Variants in CLIC5 observed in about 807,000 individuals in gnomAD.
The protein encoded by CLIC5 is chloride intracellular channel protein 5.
A neutral mutation model predicts 24.7 loss-of-function variants in CLIC5; 20 were observed. That is an observed-to-expected ratio of 0.81 (90% CI 0.57 to 1.18). CLIC5 has a LOEUF of 1.18. Among genes scored for constraint, CLIC5 ranks in the 50% most tolerant of loss-of-function variants. The pLI, the probability that CLIC5 is intolerant of heterozygous loss-of-function variation, is 0.00. For synonymous variants in CLIC5, 159 were observed against 135.6 expected (o/e 1.17, Z -1.20); for missense variants, 341 against 326.1 (o/e 1.05, Z -0.35).
chr6:45,908,386 C>G (rs1043546330), intron 5 of CLIC5, among the ~76,000 whole-genome samples: 5 of 152,086 alleles, frequency 3.3e-5, no homozygotes, highest in African/African-American at 1.2e-4. Context: ...TGAGATCTTT[C>G]TAACTTTTTG....
chr6:45,909,942 G>A (rs574918988), intron 5 of CLIC5, among the ~76,000 whole-genome samples: 2 of 152,266 alleles, frequency 1.3e-5, no homozygotes, highest in African/African-American at 4.8e-5. Flanking sequence ...CTGGTAATAT[G>A]CAGAGTTTCC....
intron 1 of CLIC5, among the ~76,000 whole-genome samples, chr6:45,958,443 T>TATATACACACACACACACACACACACAC (rs70996359): frequency 4.3e-4 from 24 of 55,634 alleles, no homozygotes; most frequent in Middle Eastern, 9.8e-3. Flanking sequence ...TATATATATA[T>TATATACACACACACACACACACACACAC]ATATATATAT....
chr6:45,963,126 T>C (rs190934169), intron 1 of CLIC5, among the ~76,000 whole-genome samples: 1 of 152,368 alleles, frequency 6.6e-6, no homozygotes, highest in Admixed American at 6.5e-5. Context: ...TTCTTCTATT[T>C]AACAACTTCT....
At chr6:45,907,103 T>A (rs1401360021) in intron 5 of CLIC5, among the ~76,000 whole-genome samples, 2 of 152,198 alleles carry the variant, frequency 1.3e-5, no homozygotes, top group Non-Finnish European at 2.9e-5. Context: ...CTTGTTGCAG[T>A]TTTCAAGGGG....
chr6:45,921,227 C>T (rs1763247379), intron 4 of CLIC5, among the ~76,000 whole-genome samples: 2 of 152,086 alleles, frequency 1.3e-5, no homozygotes, highest in African/African-American at 4.8e-5. Context: ...ATTCTTAGAC[C>T]ACATGAAGTC....
chr6:46,078,949 TAATA>T (rs1435095919), intron 1 of CLIC5, among the ~76,000 whole-genome samples: 1 of 152,174 alleles, frequency 6.6e-6, no homozygotes, highest in Non-Finnish European at 1.5e-5. Context: ...TATATTTATA[TAATA>T]AATGTGAAAA....
At chr6:45,917,372 T>A (rs1180186607) in intron 4 of CLIC5, among the ~76,000 whole-genome samples, 1 of 152,096 alleles carries the variant, frequency 6.6e-6, no homozygotes, top group African/African-American at 2.4e-5. Context: ...AAACGTGGGG[T>A]CCTCCTGTTC....
chr6:46,106,736 T>A, the CLIC5 span, among the ~76,000 whole-genome samples: 2 of 152,226 alleles, frequency 1.3e-5, no homozygotes, highest in South Asian at 4.1e-4. Flanking sequence ...AATCTTCCTC[T>A]AACACACCCA....
chr6:45,987,008 A>T (rs1765766716), intron 1 of CLIC5, among the ~76,000 whole-genome samples: 1 of 152,178 alleles, frequency 6.6e-6, no homozygotes, highest in Non-Finnish European at 1.5e-5. Context: ...TCTCACTTGA[A>T]AGTCAGTGTG....
chr6:46,065,522 C>T (rs961039458), intron 1 of CLIC5, among the ~76,000 whole-genome samples: 1 of 151,984 alleles, frequency 6.6e-6, no homozygotes, highest in Non-Finnish European at 1.5e-5. Context: ...AATCCAAGTG[C>T]CCTCAACTGC....
intron 3 of CLIC5, among the ~76,000 whole-genome samples, chr6:45,943,342 C>T (rs1178787487): frequency 6.6e-6 from 1 of 151,660 alleles, no homozygotes; most frequent in East Asian, 2.0e-4. Flanking sequence ...CTCCATCCAT[C>T]AGGAGGGGGT....
At chr6:46,085,992 C>G in the CLIC5 span, among the ~76,000 whole-genome samples, 1 of 152,238 alleles carries the variant, frequency 6.6e-6, no homozygotes, top group South Asian at 2.1e-4. Context: ...CCAGTTTGAT[C>G]TCAGACTGCT....
chr6:45,974,474 T>G (rs1402712896), intron 1 of CLIC5, among the ~76,000 whole-genome samples: 13 of 145,538 alleles, frequency 8.9e-5, no homozygotes, highest in South Asian at 6.6e-4. Context: ...TGGGAAGCAG[T>G]GTTTACTACT....
At chr6:45,989,929 C>T (rs1476321033) in intron 1 of CLIC5, among the ~76,000 whole-genome samples, 2 of 152,178 alleles carry the variant, frequency 1.3e-5, no homozygotes, top group East Asian at 1.9e-4. Flanking sequence ...CTCTCTCCAG[C>T]GACGTCTCCA....
At chr6:46,069,766 CA>C (rs1331587649) in intron 1 of CLIC5, among the ~76,000 whole-genome samples, 4 of 151,826 alleles carry the variant, frequency 2.6e-5, no homozygotes, top group African/African-American at 9.7e-5. Context: ...AGAGATACAG[CA>C]AAAAAAGAAA....
the CLIC5 span, among the ~76,000 whole-genome samples, chr6:46,091,073 T>C: frequency 1.3e-5 from 2 of 152,188 alleles, no homozygotes; most frequent in African/African-American, 2.4e-5. Context: ...CTGAACCTAT[T>C]CTGGTTGGGG....
In CLIC5 at chr6:46,031,005, C is replaced by T. The variant is rs567577669; in HGVS notation, c.540+48698G>A. On this transcript the variant is annotated intron_variant, in intron 1 of 5. Coordinates refer to the CLIC5 transcript ENST00000185206. The stretch of plus-strand genomic sequence containing the variant: ...GTTTTAAAAAGAAGAAATTGTGTTT[C>T]TTATGTGCTAAGTACTGTTTCCCTG... Among the ~76,000 whole-genome samples, 6 of 152,296 alleles carry T rather than the reference C, an allele frequency of 3.9e-5. No homozygotes were observed. The South Asian group carries it at 1.2e-3, about 32-fold the overall frequency.
chr6:45,953,576 G>A (rs577029770), intron 2 of CLIC5, among the ~76,000 whole-genome samples: 4 of 152,150 alleles, frequency 2.6e-5, no homozygotes, highest in African/African-American at 7.2e-5. Context: ...GACAGGTCAC[G>A]GTGAGAAGTG....
At chr6:45,986,460 A>G (rs944022953) in intron 1 of CLIC5, among the ~76,000 whole-genome samples, 14 of 152,214 alleles carry the variant, frequency 9.2e-5, no homozygotes, top group Non-Finnish European at 1.2e-4. Flanking sequence ...AGGACATTGT[A>G]GCCTAAGAAG....
Sources: gnomAD v4.1 joint callset for allele counts (sites outside exome capture counted in the v4.1 genomes callset) on GRCh38, gnomAD v4.1.1 for gene constraint, MANE v1.5 for transcripts, NCBI Gene and HGNC (gene_info 2026-07-23, HGNC 2026-07-21) for gene names.